Variants in BTLA observed in about 807,000 individuals in gnomAD.
BTLA encodes the protein B and T lymphocyte associated.
BTLA carries 11 observed loss-of-function variants against 25.0 expected under a neutral mutation model. The ratio of observed to expected loss-of-function variants is 0.44; its 90% confidence interval spans 0.28 to 0.73. The LOEUF (loss-of-function observed/expected upper bound fraction) is 0.73, where lower values mean the gene tolerates loss of function less well. BTLA is among the 30% of genes least tolerant of loss of function. The pLI is 0.15. For missense variants in BTLA, 282 were observed against 332.8 expected, an observed-to-expected ratio of 0.85 and a Z score of 1.19; for synonymous variants, 104 against 119.8, an observed-to-expected ratio of 0.87 and a Z score of 0.86.
intron 1 of BTLA, among the ~76,000 whole-genome samples, chr3:112,494,968 GA>G (rs140800221): frequency 6.6e-6 from 1 of 152,286 alleles, no homozygotes; most frequent in African/African-American, 2.4e-5. Flanking sequence ...ATTTGTGGTT[GA>G]TTCCCAATTG....
At chr3:112,474,889 G>A (rs1299197169) in intron 2 of BTLA, among the ~76,000 whole-genome samples, 2 of 152,216 alleles carry the variant, frequency 1.3e-5, no homozygotes, top group Admixed American at 1.3e-4. Context: ...TAGAAAGGTG[G>A]TGGGATCAAA....
chr3:112,490,112 A>G (rs1473123804), intron 1 of BTLA, among the ~76,000 whole-genome samples: 2 of 152,106 alleles, frequency 1.3e-5, no homozygotes, highest in African/African-American at 4.8e-5. Context: ...GCTCACATAC[A>G]CTCACAAAAT....
intron 1 of BTLA, among the ~76,000 whole-genome samples, chr3:112,491,810 G>A (rs1030008572): frequency 2.0e-5 from 3 of 149,932 alleles, no homozygotes; most frequent in African/African-American, 7.3e-5. Context: ...AGACTCTGCT[G>A]TGAAAAATTA....
At chr3:112,493,557 G>A (rs935624078) in intron 1 of BTLA, among the ~76,000 whole-genome samples, 1 of 152,184 alleles carries the variant, frequency 6.6e-6, no homozygotes, top group Non-Finnish European at 1.5e-5. Context: ...CCCAGCTGGA[G>A]TGCAGTGGTG....
At chr3:112,481,111 AC>A in intron 1 of BTLA, among the ~76,000 whole-genome samples, 1 of 152,280 alleles carries the variant, frequency 6.6e-6, no homozygotes, top group South Asian at 2.1e-4. Context: ...TAAGTCCAAA[AC>A]CCAACAGAGA....
intron 1 of BTLA, among the ~76,000 whole-genome samples, chr3:112,484,705 A>G (rs745760786): frequency 3.9e-5 from 6 of 152,224 alleles, no homozygotes; most frequent in Non-Finnish European, 8.8e-5. Flanking sequence ...GCTCCGGAGC[A>G]GTGCGCAAAG....
chr3:112,499,126 C>T (rs1432478073), intron 1 of BTLA, 145 bp downstream of exon 1: 7 of 607,038 alleles, frequency 1.2e-5, no homozygotes, highest in South Asian at 6.9e-5. Context: ...ACGATGTCTT[C>T]GGTAAGCAAA....
intron 1 of BTLA, among the ~76,000 whole-genome samples, chr3:112,492,446 C>T (rs1199746401): frequency 6.6e-6 from 1 of 152,140 alleles, no homozygotes; most frequent in Admixed American, 6.6e-5. Flanking sequence ...TCAGTGAGTG[C>T]CTCTGGCATT....
intron 1 of BTLA, among the ~76,000 whole-genome samples, chr3:112,491,311 G>A (rs1158867698): frequency 6.6e-6 from 1 of 151,956 alleles, no homozygotes; most frequent in Non-Finnish European, 1.5e-5. Context: ...TCTATATACT[G>A]TAGACCCAAC....
intron 1 of BTLA, among the ~76,000 whole-genome samples, chr3:112,490,611 ACAC>A (rs2082374777): frequency 6.7e-6 from 1 of 149,546 alleles, no homozygotes; most frequent in Non-Finnish European, 1.5e-5. Context: ...GTAAACACAC[ACAC>A]ACACACACAC....
At chr3:112,467,062 A>T (rs985121063) in intron 4 of BTLA, among the ~76,000 whole-genome samples, 2 of 150,620 alleles carry the variant, frequency 1.3e-5, no homozygotes, top group African/African-American at 4.9e-5. Context: ...GCTTCACGCC[A>T]TTCTCCTGCC....
intron 1 of BTLA, among the ~76,000 whole-genome samples, chr3:112,498,294 C>G (rs573697990): frequency 2.0e-5 from 3 of 151,998 alleles, no homozygotes; most frequent in Non-Finnish European, 2.9e-5. Flanking sequence ...GTAATCCCAG[C>G]TACTAGGGAC....
At position 112,479,443 on chromosome 3, in the gene BTLA, T is replaced by C. The variant is rs199838201; in HGVS notation, c.403+12A>G. ...AGAAAAATATCAGATGGTCTAGGTG[T>C]TGAGAACTCACCTGTCACATAAAGA... is the stretch of plus-strand genomic sequence containing the variant. On this transcript the variant is annotated intron_variant, in intron 2 of 4. Transcript: ENST00000334529. 357 of 1,597,728 alleles carry C rather than the reference T, an allele frequency of 2.2e-4. No individual in the cohort carries two copies. Among genetic ancestry groups the C allele is most frequent in the Admixed American group, 7.6e-4 (45 of 59,118 alleles).
At chr3:112,495,609 T>C (rs1488704384) in intron 1 of BTLA, among the ~76,000 whole-genome samples, 30 of 152,224 alleles carry the variant, frequency 2.0e-4, no homozygotes. Context: ...TAAACATTTA[T>C]TTAATATATG....
chr3:112,468,506 C>G (rs139049496), intron 4 of BTLA, among the ~76,000 whole-genome samples: 1 of 152,130 alleles, frequency 6.6e-6, no homozygotes, highest in Non-Finnish European at 1.5e-5. Flanking sequence ...ATAGCAAAAA[C>G]GCTTTAAAAC....
intron 1 of BTLA, among the ~76,000 whole-genome samples, chr3:112,484,798 T>C (rs570052237): frequency 2.0e-5 from 3 of 152,174 alleles, no homozygotes; most frequent in Non-Finnish European, 4.4e-5. Context: ...ACATTGCAGT[T>C]CCTAAATATT....
intron 2 of BTLA, among the ~76,000 whole-genome samples, chr3:112,478,815 A>G (rs1195308115): frequency 6.6e-6 from 1 of 151,868 alleles, no homozygotes; most frequent in Non-Finnish European, 1.5e-5. Flanking sequence ...GTATTTTTTC[A>G]TGTTTTATTC....
At position 112,465,716 on chromosome 3, in the gene BTLA, T is replaced by A; in HGVS notation, c.*392A>T. On this transcript the variant is annotated 3_prime_UTR_variant, in exon 5 of 5. Coordinates refer to ENST00000334529, the MANE Select transcript of BTLA (RefSeq NM_181780.4). ...TGGTTGGTTAGTCAAATTGGGACAT[T>A]TTGTTTTCAAGAGTGTGTAGTGAAC... is the stretch of plus-strand genomic sequence containing the variant. 6.4e-6 allele frequency: 1 copy of A among 157,106 alleles called. No homozygotes were observed. The highest frequency in any genetic ancestry group is 1.4e-5 in the Non-Finnish European group (1 of 71,182). The allele number at this position is 157,106 out of a possible 1,614,324, so 9.7% of individuals were successfully genotyped here.
At chr3:112,479,337 G>T in intron 2 of BTLA, 118 bp downstream of exon 2, 1 of 923,172 alleles carries the variant, frequency 1.1e-6, no homozygotes, top group Non-Finnish European at 1.7e-6. Context: ...AGGTGTAGCA[G>T]ATTTCAGATG....
Sources: gnomAD v4.1 joint callset for allele counts (sites outside exome capture counted in the v4.1 genomes callset) on GRCh38, gnomAD v4.1.1 for gene constraint, MANE v1.5 for transcripts, NCBI Gene and HGNC (gene_info 2026-07-23, HGNC 2026-07-21) for gene names.